TJP1: variants seen among roughly 807,000 people sequenced by gnomAD.
TJP1 encodes tight junction protein 1.
A neutral mutation model predicts 194.2 loss-of-function variants in TJP1; 43 were observed. The observed-to-expected ratio is 0.22, with a 90% CI of 0.17 to 0.29. TJP1 has a LOEUF of 0.29. Among genes scored for constraint, TJP1 ranks in the 10% least tolerant of loss-of-function variants. The pLI, the probability that TJP1 is intolerant of heterozygous loss-of-function variation, is 1.00. For synonymous variants in TJP1, 801 were observed against 779.0 expected, an observed-to-expected ratio of 1.03 and a Z score of -0.47; for missense variants, 1,971 against 2,185.7, an observed-to-expected ratio of 0.90 and a Z score of 1.96.
chr15:29,960,666 C>T (rs74609328), intron 1 of TJP1, among the ~76,000 whole-genome samples: 10,736 of 150,230 alleles, frequency 0.071, 511 homozygotes, highest in Non-Finnish European at 0.1. Context: ...TAATCAGTAG[C>T]GCTAAAGTGG....
At chr15:29,803,888 G>C (rs150932955) in intron 1 of TJP1, among the ~76,000 whole-genome samples, 116 of 152,076 alleles carry the variant, frequency 7.6e-4, no homozygotes, top group African/African-American at 2.7e-3. Context: ...ATTATAGCTT[G>C]ATTTATCTGA....
At chr15:29,867,216 G>GA (rs2052338497) in intron 2 of TJP1, among the ~76,000 whole-genome samples, 1 of 152,220 alleles carries the variant, frequency 6.6e-6, no homozygotes, top group Non-Finnish European at 1.5e-5. Context: ...GCGAGACTCA[G>GA]ACCAGACATG....
At chr15:29,889,874 CTT>C (rs940340750) in intron 2 of TJP1, among the ~76,000 whole-genome samples, 2 of 152,214 alleles carry the variant, frequency 1.3e-5, no homozygotes, top group African/African-American at 4.8e-5. Flanking sequence ...ACGACTAAGT[CTT>C]TGGTAAACGA....
intron 2 of TJP1, among the ~76,000 whole-genome samples, chr15:29,878,702 G>T (rs1293765127): frequency 6.6e-6 from 1 of 152,144 alleles, no homozygotes; most frequent in African/African-American, 2.4e-5. Context: ...GTAAACAGCT[G>T]AAAGGAAAAG....
intron 8 of TJP1, among the ~76,000 whole-genome samples, chr15:29,750,273 G>A (rs1277557797): frequency 1.3e-5 from 2 of 152,160 alleles, no homozygotes; most frequent in South Asian, 2.1e-4. Context: ...AAAGTGCTGG[G>A]ATTACAGGCG....
At chr15:29,949,543 C>CACCTCT (rs2055507184) in intron 2 of TJP1, among the ~76,000 whole-genome samples, 1 of 144,832 alleles carries the variant, frequency 6.9e-6, no homozygotes, top group African/African-American at 2.5e-5. Context: ...CCACCACCAC[C>CACCTCT]ACCTCCACAA....
At chr15:29,867,261 T>C (rs2052340685) in intron 2 of TJP1, among the ~76,000 whole-genome samples, 2 of 152,206 alleles carry the variant, frequency 1.3e-5, no homozygotes. Flanking sequence ...CATTTAACTG[T>C]CAAAGCAAAT....
chr15:29,921,294 C>G (rs2054350150), intron 2 of TJP1, among the ~76,000 whole-genome samples: 1 of 152,166 alleles, frequency 6.6e-6, no homozygotes, highest in African/African-American at 2.4e-5. Context: ...CTCTTCAGAC[C>G]AGATTCCTTT....
chr15:29,854,168 T>A (rs2051755949), intron 2 of TJP1, among the ~76,000 whole-genome samples: 1 of 152,120 alleles, frequency 6.6e-6, no homozygotes, highest in Admixed American at 6.5e-5. Flanking sequence ...ATACACCATA[T>A]AAAAATACCA....
intron 4 of TJP1, among the ~76,000 whole-genome samples, chr15:29,769,677 TCTC>T (rs1047164020): frequency 6.6e-6 from 1 of 151,736 alleles, no homozygotes; most frequent in South Asian, 2.1e-4. Flanking sequence ...GAGCTGAAAA[TCTC>T]CTATCACCTA....
Position 29,705,622 on chromosome 15 carries a change from G to C in TJP1, c.4974C>G (p.Ile1658Met). Reference sequence around the variant, plus strand: ...CTCCTTCGGGAATGGCTCCTTGAGGGATAATTATACTAACACCAGTTTCTA... The same window carrying C: ...CTCCTTCGGGAATGGCTCCTTGAGGCATAATTATACTAACACCAGTTTCTA... ...SSIETGVSIIIPQGAIPEGVE... is the reference protein window; with the variant it reads ...SSIETGVSIIMPQGAIPEGVE... The change falls in exon 26 of 28, where the codon ATC (isoleucine) becomes ATG (methionine). Residue 1658 changes from isoleucine (I) to methionine (M), a missense_variant. Physicochemically the swap from Ile to Met is conservative, Grantham distance 10 (BLOSUM62 1). Around this residue, in one of 5 missense-constraint regions of TJP1, gnomAD observed 1,108 missense variants for 1,128.5 expected, o/e 0.98. Transcript: ENST00000614355. 1 of 1,614,202 alleles carries C rather than the reference G, an allele frequency of 6.2e-7. No homozygotes were observed. The highest frequency in any genetic ancestry group is 2.2e-5 in the East Asian group (1 of 44,882).
intron 2 of TJP1, among the ~76,000 whole-genome samples, chr15:29,861,703 G>A (rs1278026135): frequency 1.3e-5 from 2 of 152,196 alleles, no homozygotes; most frequent in East Asian, 3.9e-4. Context: ...TTCAGATATA[G>A]GATTTGCAAA....
intron 22 of TJP1, 52 bp from the exon 23 acceptor site, chr15:29,716,890 G>T: frequency 7.0e-7 from 1 of 1,436,490 alleles, no homozygotes. Context: ...TTAATGTTAT[G>T]AAGGAAGTAG....
At chr15:29,797,269 C>A (rs2048474624) in intron 2 of TJP1, among the ~76,000 whole-genome samples, 6 of 152,172 alleles carry the variant, frequency 3.9e-5, no homozygotes, top group African/African-American at 1.4e-4. Context: ...CCTGCCTCAG[C>A]CTCCCGAGTA....
intron 1 of TJP1, among the ~76,000 whole-genome samples, chr15:29,812,896 A>G (rs1302704294): frequency 6.6e-6 from 1 of 152,182 alleles, no homozygotes; most frequent in Non-Finnish European, 1.5e-5. Flanking sequence ...CCTACTTGCC[A>G]TGGCTACTGA....
At chr15:29,774,968 GTGAAAA>G (rs1160683449) in intron 2 of TJP1, among the ~76,000 whole-genome samples, 1 of 152,102 alleles carries the variant, frequency 6.6e-6, no homozygotes, top group Non-Finnish European at 1.5e-5. Flanking sequence ...CAACTGCAGT[GTGAAAA>G]TTTTAAACGG....
In TJP1 at chr15:29,718,560, T is replaced by C. The variant is rs1461093843; in HGVS notation, c.3582A>G (p.Gln1194=). Residue 1194 remains glutamine (Q), a synonymous_variant, in exon 21 of 28, where the codon CAA becomes CAG. Coordinates refer to ENST00000614355, the MANE Select transcript of TJP1 (RefSeq NM_001330239.4). The part of the protein sequence containing the change: ...KPAESKQYFE[Q]YSRSYEQVPP... ...GTACTTGCTCGTAACTGCGTGAATA[T>C]TGCTCAAAATACTGCTTGGACTCTG... 12 of 1,614,002 alleles carry C rather than the reference T, an allele frequency of 7.4e-6. No homozygotes were observed. Among genetic ancestry groups the C allele is most frequent in the African/African-American group, 5.3e-5 (4 of 74,902 alleles).
chr15:29,921,644 G>A (rs1423439416), intron 2 of TJP1, among the ~76,000 whole-genome samples: 1 of 152,088 alleles, frequency 6.6e-6, no homozygotes, highest in Non-Finnish European at 1.5e-5. Flanking sequence ...TTCCACCGCT[G>A]CATCTTCCCG....
intron 2 of TJP1, among the ~76,000 whole-genome samples, chr15:29,834,160 C>T (rs2050945198): frequency 6.6e-6 from 1 of 151,174 alleles, no homozygotes; most frequent in East Asian, 2.0e-4. Flanking sequence ...GGATTACAGG[C>T]ATGAGCCACT....
Sources: allele counts gnomAD v4.1 joint callset (sites outside exome capture counted in the v4.1 genomes callset), GRCh38; gene constraint gnomAD v4.1.1; regional missense constraint gnomAD v4.1.1; transcripts MANE v1.5; gene names NCBI Gene and HGNC (gene_info 2026-07-23, HGNC 2026-07-21).